Variants in SIM2 observed in about 807,000 individuals in gnomAD.
The protein encoded by SIM2 is single-minded homolog 2.
In SIM2, 28 loss-of-function variants were observed where a neutral mutation model predicts 64.8. That is an observed-to-expected ratio of 0.43 (90% CI 0.32 to 0.59). The LOEUF is 0.59. Among genes scored for constraint, SIM2 ranks in the 20% least tolerant of loss-of-function variants. The probability of loss-of-function intolerance (pLI) is 0.07; values close to 1 mark genes in which losing one functional copy is unlikely to be tolerated. For synonymous variants in SIM2, 408 were observed against 391.1 expected, an observed-to-expected ratio of 1.04 and a Z score of -0.51; for missense variants, 847 against 871.4, an observed-to-expected ratio of 0.97 and a Z score of 0.35.
intron 7 of SIM2, among the ~76,000 whole-genome samples, chr21:36,734,468 C>T (rs1442256350): frequency 1.3e-5 from 2 of 152,188 alleles, no homozygotes. Context: ...TTGCTACTGT[C>T]CTGTGACTCT....
At chr21:36,737,973 A>AAAAAAAAAAAAAAAAAAC in intron 7 of SIM2, among the ~76,000 whole-genome samples, 1 of 120,240 alleles carries the variant, frequency 8.3e-6, no homozygotes, top group Non-Finnish European at 2.0e-5. Flanking sequence ...AAAAAAAAAA[A>AAAAAAAAAAAAAAAAAAC]AAAAAAAAAG....
rs764251505 is a variant in SIM2, at chr21:36,726,315, C to G, written c.740C>G (p.Ser247Cys). ...SLDLKLIFLD[S>C]RVTEVTGYEP... Reference sequence around the variant, plus strand: ...GACCTGAAGCTGATATTCCTGGATTCCAGGTGAGTTCGGCACCTGCCACAG... The same window carrying G: ...GACCTGAAGCTGATATTCCTGGATTGCAGGTGAGTTCGGCACCTGCCACAG... The change falls in exon 6 of 11, where the codon TCC becomes TGC. Residue 247 changes from serine (S) to cysteine (C), a missense_variant. Physicochemically the swap from Ser to Cys is moderately radical, Grantham distance 112. This residue lies in a region of SIM2 where 397 missense variants were observed against 439.2 expected (regional missense o/e 0.90). Transcript: ENST00000290399. The surrounding 1 kb of genome is among the most constrained non-coding windows in gnomAD (Gnocchi z 4.5). 6.2e-7 allele frequency: 1 copy of G among 1,611,482 alleles called. No homozygotes were observed. The highest frequency in any genetic ancestry group is 1.1e-5 in the South Asian group (1 of 90,962).
At chr21:36,738,436 C>G (rs539338099) in intron 7 of SIM2, among the ~76,000 whole-genome samples, 1 of 152,050 alleles carries the variant, frequency 6.6e-6, no homozygotes, top group Non-Finnish European at 1.5e-5. Flanking sequence ...ACCTGGGAGG[C>G]GGAGGTTGCA....
intron 7 of SIM2, among the ~76,000 whole-genome samples, chr21:36,737,467 G>A (rs1032821903): frequency 1.3e-5 from 2 of 150,982 alleles, no homozygotes; most frequent in Non-Finnish European, 3.0e-5. Flanking sequence ...CAGACCCTCA[G>A]GGGGGGCTGA....
intron 7 of SIM2, among the ~76,000 whole-genome samples, chr21:36,739,220 A>C (rs1167102393): frequency 6.6e-6 from 1 of 152,212 alleles, no homozygotes; most frequent in Non-Finnish European, 1.5e-5. Flanking sequence ...CCTCAAATAG[A>C]TCATCTAATC....
At chr21:36,700,902 C>G (rs1481676927) in intron 1 of SIM2, among the ~76,000 whole-genome samples, 3 of 152,248 alleles carry the variant, frequency 2.0e-5, no homozygotes, top group Admixed American at 2.0e-4. Flanking sequence ...AGACTCGGAA[C>G]AGGAAGAAAT....
chr21:36,746,667 A>G (rs1295831050), intron 10 of SIM2, among the ~76,000 whole-genome samples: 1 of 152,250 alleles, frequency 6.6e-6, no homozygotes, highest in Non-Finnish European at 1.5e-5. Flanking sequence ...GGCCTGTCCC[A>G]GGAGCCACGG....
chr21:36,706,234 G>A (rs2088579464), intron 1 of SIM2, among the ~76,000 whole-genome samples: 1 of 152,218 alleles, frequency 6.6e-6, no homozygotes, highest in South Asian at 2.1e-4. Context: ...AGGGAGGAAT[G>A]AGGCGCTGGC....
rs910623710 is a variant in SIM2, at chr21:36,701,746, C to G, written c.175+1825C>G. ...TGGCAGAGAACTAGGGATGATTCCA[C>G]TCCGGTTGATGTTTTAGGGGAAATT... On this transcript the variant is annotated intron_variant, in intron 1 of 10. Coordinates refer to ENST00000290399, the MANE Select transcript of SIM2 (RefSeq NM_005069.6). Among the ~76,000 whole-genome samples, 9 of 152,200 alleles carry G rather than the reference C, an allele frequency of 5.9e-5. No homozygotes were observed. The East Asian group carries it at 1.7e-3, about 29-fold the overall frequency.
At chr21:36,723,877 G>T (rs1391910644) in intron 5 of SIM2, among the ~76,000 whole-genome samples, 1 of 152,206 alleles carries the variant, frequency 6.6e-6, no homozygotes, top group Non-Finnish European at 1.5e-5. Context: ...GGGGAAGTCT[G>T]TGCTGAGTGC....
intron 9 of SIM2, among the ~76,000 whole-genome samples, chr21:36,744,333 G>A (rs1172568930): frequency 2.1e-4 from 22 of 102,940 alleles, no homozygotes; most frequent in South Asian, 7.2e-4. Context: ...AAAAAAGAAA[G>A]AAGGAAAAGA....
chr21:36,735,801 G>A (rs184229785), intron 7 of SIM2, among the ~76,000 whole-genome samples: 1 of 152,290 alleles, frequency 6.6e-6, no homozygotes, highest in Admixed American at 6.5e-5. Context: ...TATTATAGCT[G>A]CAGAGGCCGA....
At chr21:36,712,986 C>T (rs958432053) in intron 3 of SIM2, among the ~76,000 whole-genome samples, 1 of 152,070 alleles carries the variant, frequency 6.6e-6, no homozygotes, top group Non-Finnish European at 1.5e-5. Context: ...CTGCACGTTA[C>T]GGTATTATGA....
rs150148817 is a variant in SIM2, at chr21:36,743,563, G to A, written c.1167+8G>A. The A allele has an allele frequency of 1.2e-5, 20 of 1,611,652 alleles. No homozygotes were observed. Among genetic ancestry groups the A allele is most frequent in the Middle Eastern group, 3.3e-4 (2 of 6,054 alleles). On this transcript the variant is annotated splice_region_variant and intron_variant, in intron 9 of 10. Transcript: ENST00000290399. The stretch of plus-strand genomic sequence containing the variant: ...AACCCTTACCCCCCACAGGTAACAC[G>A]CATGTCCTGCAGTTTTGGGGTGCTG...
At chr21:36,737,973 A>AAAAAAAAAAAAGC (rs1555877008) in intron 7 of SIM2, among the ~76,000 whole-genome samples, 21 of 120,330 alleles carry the variant, frequency 1.7e-4, no homozygotes, top group South Asian at 3.1e-4. Context: ...AAAAAAAAAA[A>AAAAAAAAAAAAGC]AAAAAAAAAG....
chr21:36,745,740 C>T lies in SIM2; in HGVS notation c.1576+604C>T, dbSNP rs1407397326. The T allele has an allele frequency of 7.7e-7, 1 of 1,294,442 alleles. No individual in the cohort carries two copies. The highest frequency in any genetic ancestry group is 1.0e-6 in the Non-Finnish European group (1 of 981,194). The allele number at this position is 1,294,442 out of a possible 1,614,324, so 80.2% of individuals were successfully genotyped here. ...ACACGACACACAGTAGGGACCTGCC[C>T]TGTACATGCTAGTTCAACAGAAAGG... On this transcript the variant is annotated intron_variant, in intron 10 of 10. Coordinates refer to ENST00000290399, the MANE Select transcript of SIM2 (RefSeq NM_005069.6). This position sits in a 1 kb window ranked among gnomAD's most constrained non-coding sequence, Gnocchi z 4.8.
chr21:36,734,479 G>A (rs2089016716), intron 7 of SIM2, among the ~76,000 whole-genome samples: 1 of 152,190 alleles, frequency 6.6e-6, no homozygotes, highest in Admixed American at 6.5e-5. Flanking sequence ...CTGTGACTCT[G>A]ACCTTAGCTG....
chr21:36,743,848 T>G (rs1484853803), intron 9 of SIM2, among the ~76,000 whole-genome samples: 1 of 152,252 alleles, frequency 6.6e-6, no homozygotes, highest in Non-Finnish European at 1.5e-5. Context: ...ATCCACGGGT[T>G]AGATTCTAGA....
In SIM2 at chr21:36,741,841, CGTGA is replaced by C. The variant is rs1568940948; in HGVS notation, c.979_982del (p.Val328IlefsTer41). 1.2e-6 allele frequency: 2 copies of C among 1,600,854 alleles called. No individual in the cohort carries two copies. Among genetic ancestry groups the C allele is most frequent in the Admixed American group, 1.7e-5 (1 of 58,234 alleles). The stretch of plus-strand genomic sequence containing the variant: ...GCCGCTCGTCCCGGCCCCACTGCAT[CGTGA>C]GTGTCAATTATGTACTCACGTAAGT... On this transcript the variant is annotated frameshift_variant, in exon 8 of 11. Transcript: ENST00000290399. LOFTEE classifies it high-confidence loss of function.
Sources: gnomAD v4.1 joint callset for allele counts (sites outside exome capture counted in the v4.1 genomes callset) on GRCh38, gnomAD v4.1.1 for gene constraint, gnomAD v4.1.1 regional missense constraint, Gnocchi (gnomAD v3.1) non-coding constraint, MANE v1.5 for transcripts, NCBI Gene and HGNC (gene_info 2026-07-23, HGNC 2026-07-21) for gene names.